Variants in IFI16 observed in about 807,000 individuals in gnomAD.
IFI16 encodes the protein gamma-interferon-inducible protein 16.
A neutral mutation model predicts 68.4 loss-of-function variants in IFI16; 49 were observed. The ratio of observed to expected loss-of-function variants is 0.72; its 90% CI spans 0.57 to 0.91. The LOEUF (loss-of-function observed/expected upper bound fraction) is 0.91, where lower values mean the gene tolerates loss of function less well. Among genes scored for constraint, IFI16 ranks in the 40% least tolerant of loss-of-function variants. IFI16 has a pLI of 0.00. For missense variants in IFI16, 878 were observed against 942.9 expected (o/e 0.93, Z 0.90); for synonymous variants, 307 against 315.0 (o/e 0.97, Z 0.27).
intron 7 of IFI16, among the ~76,000 whole-genome samples, chr1:159,039,601 C>CACA (rs1654503646): frequency 2.0e-5 from 3 of 152,160 alleles, no homozygotes; most frequent in Admixed American, 2.0e-4. Flanking sequence ...GCCTCGGCCT[C>CACA]CCAAAGTGTT....
intron 6 of IFI16, among the ~76,000 whole-genome samples, chr1:159,026,889 A>G (rs950025834): frequency 6.6e-6 from 1 of 152,176 alleles, no homozygotes; most frequent in Non-Finnish European, 1.5e-5. Flanking sequence ...ACTTTGCTTG[A>G]AACTTTGCTG....
chr1:159,034,247 A>G (rs1209946175), intron 7 of IFI16, among the ~76,000 whole-genome samples: 2 of 152,228 alleles, frequency 1.3e-5, no homozygotes, highest in Admixed American at 6.5e-5. Flanking sequence ...AGGAAAGAGA[A>G]AGAGTAATTT....
intron 10 of IFI16, 173 bp from the exon 11 acceptor site, chr1:159,053,360 A>G: frequency 2.3e-6 from 1 of 436,588 alleles, no homozygotes; most frequent in South Asian, 5.6e-5. Context: ...GGAGGAGTTG[A>G]AAGGCAGGAT....
intron 7 of IFI16, among the ~76,000 whole-genome samples, chr1:159,042,625 C>T (rs1221254043): frequency 6.6e-6 from 1 of 152,200 alleles, no homozygotes; most frequent in African/African-American, 2.4e-5. Flanking sequence ...ATACCCTCCT[C>T]CCAGAATAGA....
chr1:159,021,699 T>C (rs898698229), intron 6 of IFI16, among the ~76,000 whole-genome samples: 1 of 152,218 alleles, frequency 6.6e-6, no homozygotes, highest in African/African-American at 2.4e-5. Context: ...ATAGTAGTTC[T>C]ACTAGTTTAC....
rs1359826569 is a variant in IFI16, at chr1:159,018,311, G to T, written c.632G>T (p.Ser211Ile). The change falls in exon 5 of 12, where the codon AGT becomes ATT. Residue 211 changes from serine (S) to isoleucine (I), a missense_variant. Around this residue, in one of 4 missense-constraint regions of IFI16, gnomAD observed 443 missense variants for 421.8 expected, o/e 1.05. Coordinates refer to ENST00000295809, the MANE Select transcript of IFI16 (RefSeq NM_001376587.1). The stretch of plus-strand genomic sequence containing the variant: ...CGCCCAGTGATAGTGAAGGTACTGA[G>T]TACAACAAAGCCATTTGAATATGAG... ...QKRPVIVKVL[S>I]TTKPFEYETP... 1 of 1,613,894 alleles carries T rather than the reference G, an allele frequency of 6.2e-7. No individual in the cohort carries two copies. The highest frequency in any genetic ancestry group is 1.3e-5 in the African/African-American group (1 of 74,906).
At chr1:159,042,197 C>G (rs757070310) in intron 7 of IFI16, among the ~76,000 whole-genome samples, 16 of 152,138 alleles carry the variant, frequency 1.1e-4, no homozygotes, top group Non-Finnish European at 1.8e-4. Flanking sequence ...AAGCTTTATT[C>G]TTATTGATGA....
chr1:159,037,428 T>C (rs896399981), intron 7 of IFI16, among the ~76,000 whole-genome samples: 2 of 152,202 alleles, frequency 1.3e-5, no homozygotes, highest in African/African-American at 4.8e-5. Flanking sequence ...CTCCCGAAGA[T>C]TTTGTATATG....
At chr1:159,043,272 C>T (rs913275717) in intron 7 of IFI16, among the ~76,000 whole-genome samples, 2 of 152,262 alleles carry the variant, frequency 1.3e-5, no homozygotes, top group African/African-American at 2.4e-5. Flanking sequence ...ATCTCAGGCC[C>T]ACTGTCTCTC....
At chr1:159,012,347 G>A (rs1259088734) in intron 1 of IFI16, among the ~76,000 whole-genome samples, 1 of 152,120 alleles carries the variant, frequency 6.6e-6, no homozygotes, top group East Asian at 1.9e-4. Context: ...AGAATCTGGA[G>A]GCTTCAGAAA....
chr1:159,026,075 C>T (rs1653648883), intron 6 of IFI16, among the ~76,000 whole-genome samples: 1 of 152,064 alleles, frequency 6.6e-6, no homozygotes, highest in Non-Finnish European at 1.5e-5. Context: ...GTGACTATGG[C>T]CTTATAGTAT....
Position 159,036,157 on chromosome 1 carries a change from G to A in IFI16, c.1329+3466G>A, listed in dbSNP as rs1363013001. Among the ~76,000 whole-genome samples, 5 of 152,118 alleles carry A rather than the reference G, an allele frequency of 3.3e-5. No homozygotes were observed. The East Asian group carries it at 7.7e-4, about 23-fold the overall frequency. Reference sequence around the variant, plus strand: ...GTGACATAAATCGGATTTCTACTTCGTAAGCACTTACTAGGTGCTGGTTTT... The same window carrying A: ...GTGACATAAATCGGATTTCTACTTCATAAGCACTTACTAGGTGCTGGTTTT... On this transcript the variant is annotated intron_variant, in intron 7 of 11. Coordinates refer to ENST00000295809, the MANE Select transcript of IFI16 (RefSeq NM_001376587.1).
upstream of IFI16, among the ~76,000 whole-genome samples, chr1:159,006,514 C>T (rs1182998951): frequency 6.6e-6 from 1 of 152,102 alleles, no homozygotes. Flanking sequence ...TAATTGGGCT[C>T]TTTTGAAACG....
chr1:159,006,932 G>T (rs890794878), upstream of IFI16, among the ~76,000 whole-genome samples: 2 of 152,104 alleles, frequency 1.3e-5, no homozygotes, highest in Non-Finnish European at 2.9e-5. Context: ...ACTGTTTATA[G>T]AATTGAATTG....
At chr1:159,044,095 G>A (rs1175244263) in intron 7 of IFI16, among the ~76,000 whole-genome samples, 2 of 152,100 alleles carry the variant, frequency 1.3e-5, no homozygotes, top group Non-Finnish European at 2.9e-5. Flanking sequence ...AGCATTTACT[G>A]AGCTCTGGAC....
chr1:159,044,873 T>C (rs1654884269), intron 7 of IFI16, among the ~76,000 whole-genome samples: 1 of 152,032 alleles, frequency 6.6e-6, no homozygotes, highest in African/African-American at 2.4e-5. Flanking sequence ...TCTGGGTTTC[T>C]TGTATGCTGA....
rs780812983 is a variant in IFI16, at chr1:159,054,949, G to T, written c.*48G>T. 12 of 1,076,906 alleles carry T rather than the reference G, an allele frequency of 1.1e-5. No individual in the cohort carries two copies. The Admixed American group carries it at 2.1e-4, about 19-fold the overall frequency. The allele number at this position is 1,076,906 out of a possible 1,614,324, so 66.7% of individuals were successfully genotyped here. A position where few individuals can be genotyped will look rare whatever the true frequency, so the allele number is the denominator to read the frequency against. On this transcript the variant is annotated 3_prime_UTR_variant, in exon 12 of 12. Transcript: ENST00000295809. ...ATGTTTATGGAGATAAGGTCTAAGT[G>T]CCTAAAAAAATGTACATATACCTGG...
chr1:159,039,619 C>T (rs1409189200), intron 7 of IFI16, among the ~76,000 whole-genome samples: 1 of 152,152 alleles, frequency 6.6e-6, no homozygotes, highest in Non-Finnish European at 1.5e-5. Flanking sequence ...GTTGGGATTA[C>T]AGGTGTGAGC....
intron 5 of IFI16, among the ~76,000 whole-genome samples, chr1:159,019,615 C>A (rs373833175): frequency 6.6e-6 from 1 of 152,226 alleles, no homozygotes; most frequent in Non-Finnish European, 1.5e-5. Context: ...TGTGCCATCA[C>A]GCCTGGCTAA....
Sources: gnomAD v4.1 joint callset for allele counts (sites outside exome capture counted in the v4.1 genomes callset) on GRCh38, gnomAD v4.1.1 for gene constraint, gnomAD v4.1.1 regional missense constraint, MANE v1.5 for transcripts, NCBI Gene and HGNC (gene_info 2026-07-23, HGNC 2026-07-21) for gene names.